The following MAP3K12 variants were observed in gnomAD, a reference collection of about 807,000 sequenced individuals.
MAP3K12 encodes the protein MAPK-upstream kinase.
In MAP3K12, 14 loss-of-function variants were observed where a neutral mutation model predicts 87.5. That is an observed-to-expected ratio of 0.16 (90% CI 0.11 to 0.25). The LOEUF (loss-of-function observed/expected upper bound fraction) is 0.25. Among genes scored for constraint, MAP3K12 ranks in the 10% least tolerant of loss-of-function variants. The pLI, the probability that MAP3K12 is intolerant of heterozygous loss-of-function variation, is 1.00. For synonymous variants in MAP3K12, 469 were observed against 452.5 expected (o/e 1.04, Z -0.46); for missense variants, 802 against 1,140.4 (o/e 0.70, Z 4.27).
chr12:53,485,636 A>G (rs1455962690), intron 4 of MAP3K12, 161 bp from the exon 5 acceptor site: 1 of 719,722 alleles, frequency 1.4e-6, no homozygotes, highest in Non-Finnish European at 2.3e-6. Context: ...GCTCACTGCA[A>G]CCTCCACCTC....
Position 53,485,172 on chromosome 12 carries a change from G to A in MAP3K12, c.1023C>T (p.Ile341=). ...VVLWELLTGE[I]PYKDVDSSAI... ...CTGAGGAATCTACGTCTTTGTAGGG[G>A]ATCTCACCAGTCAGCAGTTCCCATA... Residue 341 remains isoleucine (I), a synonymous_variant, in exon 6 of 14, where the codon ATC becomes ATT. Coordinates refer to ENST00000547488, the MANE Select transcript of MAP3K12 (RefSeq NM_001193511.2). 1 of 1,613,994 alleles carries A rather than the reference G, an allele frequency of 6.2e-7. No homozygotes were observed. The highest frequency in any genetic ancestry group is 8.5e-7 in the Non-Finnish European group (1 of 1,179,938).
At chr12:53,498,502 C>T (rs1943589804) in intron 1 of MAP3K12, among the ~76,000 whole-genome samples, 1 of 152,166 alleles carries the variant, frequency 6.6e-6, no homozygotes, top group Non-Finnish European at 1.5e-5. Flanking sequence ...TAGGACTCCT[C>T]CCTTAATTCT....
rs1417421322 is a variant in MAP3K12 at position 53,480,668 on chromosome 12, T to G, written c.*514A>C. 1 of 152,506 alleles carries G rather than the reference T, an allele frequency of 6.6e-6. No individual in the cohort carries two copies. The highest frequency in any genetic ancestry group is 2.4e-5 in the African/African-American group (1 of 41,364). 9.4% of individuals were successfully genotyped at this position (152,506 alleles called of 1,614,324 possible). ...CTCCCCCTGGGCCTTAAGACAGGGC[T>G]TGGGCAGAGAAGATAAATGGTGGGA... On this transcript the variant is annotated 3_prime_UTR_variant, in exon 14 of 14. Coordinates refer to ENST00000547488, the MANE Select transcript of MAP3K12 (RefSeq NM_001193511.2).
In MAP3K12 at chr12:53,483,668, G is replaced by A; in HGVS notation, c.1414C>T (p.Leu472=). The part of the protein sequence containing the change: ...YERKLERANN[L]YMELNALMLQ... ...ATGAGGGCATTAAGTTCCATATACA[G>A]GTTGTTGGCTCTCTCCAGCTTCCTT... Residue 472 remains leucine, a synonymous_variant, in exon 9 of 14, where the codon CTG becomes TTG. Transcript: ENST00000547488. The A allele has an allele frequency of 6.2e-7, 1 of 1,614,012 alleles. No homozygotes were observed. The highest frequency in any genetic ancestry group is 8.5e-7 in the Non-Finnish European group (1 of 1,180,022).
rs765708332 is a variant in MAP3K12 at position 53,482,962 on chromosome 12, C to G, written c.1841G>C (p.Gly614Ala). 1 of 1,594,586 alleles carries G rather than the reference C, an allele frequency of 6.3e-7. No homozygotes were observed. The highest frequency in any genetic ancestry group is 1.1e-5 in the South Asian group (1 of 89,380). Residue 614 changes from glycine (G) to alanine (A), a missense_variant, in exon 11 of 14, where the codon GGA becomes GCA. By Grantham distance (60) the Gly-to-Ala change is moderately conservative. Coordinates refer to ENST00000547488, the MANE Select transcript of MAP3K12 (RefSeq NM_001193511.2). The part of the protein sequence containing the change: ...PGGPGSPGGL[G>A]GGPSAWEACP... ...GGCCTCCCAGGCTGAGGGTCCCCCT[C>G]CTAGGCCCCCTGGGCTTCCTGGTCC...
intron 1 of MAP3K12, among the ~76,000 whole-genome samples, chr12:53,497,801 G>A (rs1943572318): frequency 6.6e-6 from 1 of 152,186 alleles, no homozygotes; most frequent in African/African-American, 2.4e-5. Flanking sequence ...ACTTCTTACA[G>A]GGTTGATTCC....
At chr12:53,496,919 T>C (rs545768483) in intron 1 of MAP3K12, among the ~76,000 whole-genome samples, 62 of 152,182 alleles carry the variant, frequency 4.1e-4, no homozygotes, top group African/African-American at 1.4e-3. Flanking sequence ...TCCTGGCCAG[T>C]TGGGTGACCT....
Position 53,479,671 on chromosome 12 carries a change from GT to G in MAP3K12, c.*1510del. On this transcript the variant is annotated 3_prime_UTR_variant, in exon 14 of 14. Transcript: ENST00000547488. ...ATTTAGTTTTATAAGCTTCTCCCTG[GT>G]TTTTTTTTTTTGGCTCATGAATTTT... 4.0e-5 allele frequency: 8 copies of G among 202,216 alleles called. No individual in the cohort carries two copies. Among genetic ancestry groups the G allele is most frequent in the East Asian group, 8.5e-5 (1 of 11,742 alleles). 12.5% of individuals were successfully genotyped at this position (202,216 alleles called of 1,614,324 possible). A position where few individuals can be genotyped will look rare whatever the true frequency, so the allele number is the denominator to read the frequency against.
chr12:53,484,955 T>A, intron 6 of MAP3K12, 101 bp downstream of exon 6: 9 of 1,443,416 alleles, frequency 6.2e-6, no homozygotes, highest in Non-Finnish European at 8.6e-6. Context: ...TCAGTCTCTT[T>A]GAATTAAATG....
At chr12:53,493,528 T>A (rs1195043741) in intron 1 of MAP3K12, among the ~76,000 whole-genome samples, 1 of 151,820 alleles carries the variant, frequency 6.6e-6, no homozygotes, top group African/African-American at 2.4e-5. Context: ...CTGAGACATA[T>A]ACAGACACCG....
chr12:53,498,334 C>T (rs1032757635), intron 1 of MAP3K12, among the ~76,000 whole-genome samples: 4 of 152,120 alleles, frequency 2.6e-5, no homozygotes, highest in Non-Finnish European at 4.4e-5. Context: ...ATGGAGTCCA[C>T]CTTGAGAACT....
rs1943056498 is a variant in MAP3K12 at position 53,481,756 on chromosome 12, C to T, written c.2580+185G>A. 11 of 664,614 alleles carry T rather than the reference C, an allele frequency of 1.7e-5. No homozygotes were observed. The South Asian group carries it at 2.3e-4, about 14-fold the overall frequency. The allele number at this position is 664,614 out of a possible 1,614,324, so 41.2% of individuals were successfully genotyped here. A position where few individuals can be genotyped will look rare whatever the true frequency, so the allele number is the denominator to read the frequency against. On this transcript the variant is annotated intron_variant, in intron 13 of 13. Transcript: ENST00000547488. ...GCTGCAATTTATAGCTACATGCAAG[C>T]TACTGGTCAGGCATCGTAATAGATG... is the stretch of plus-strand genomic sequence containing the variant.
At chr12:53,490,167 G>C (rs984957738) in intron 1 of MAP3K12, among the ~76,000 whole-genome samples, 1 of 152,112 alleles carries the variant, frequency 6.6e-6, no homozygotes, top group Non-Finnish European at 1.5e-5. Flanking sequence ...AGCCGGCCGT[G>C]GTGGTGGGCA....
intron 1 of MAP3K12, among the ~76,000 whole-genome samples, chr12:53,496,608 T>A (rs558715867): frequency 6.6e-6 from 1 of 152,334 alleles, no homozygotes; most frequent in Non-Finnish European, 1.5e-5. Context: ...TGGGCATTTT[T>A]AAAAATCTGG....
chr12:53,486,005 T>A lies in MAP3K12; in HGVS notation c.821+51A>T. ...GAAGCCGGGAGAAGGCCACACTGAC[T>A]TGAGTGGGTCACCTGCATGCACATC... is the stretch of plus-strand genomic sequence containing the variant. On this transcript the variant is annotated intron_variant, in intron 4 of 13. Coordinates refer to ENST00000547488, the MANE Select transcript of MAP3K12 (RefSeq NM_001193511.2). This position sits in a 1 kb window ranked among gnomAD's most constrained non-coding sequence, Gnocchi z 4.9. The A allele has an allele frequency of 6.5e-7, 1 of 1,540,292 alleles. No individual in the cohort carries two copies. The highest frequency in any genetic ancestry group is 8.8e-7 in the Non-Finnish European group (1 of 1,134,238).
chr12:53,481,500 C>A, intron 13 of MAP3K12: 2 of 302,466 alleles, frequency 6.6e-6, no homozygotes, highest in South Asian at 6.2e-5. Context: ...CAGGCATGCA[C>A]CACCACGCCC....
At position 53,480,194 on chromosome 12, in the gene MAP3K12, G is replaced by C. The variant is rs1425000444; in HGVS notation, c.*988C>G. 1 of 152,044 alleles carries C rather than the reference G, an allele frequency of 6.6e-6. No individual in the cohort carries two copies. The highest frequency in any genetic ancestry group is 6.6e-5 in the Admixed American group (1 of 15,266). 9.4% of individuals were successfully genotyped at this position (152,044 alleles called of 1,614,324 possible). On this transcript the variant is annotated 3_prime_UTR_variant, in exon 14 of 14. Coordinates refer to ENST00000547488, the MANE Select transcript of MAP3K12 (RefSeq NM_001193511.2). ...TGTCTGACTGGGTTCCAGTTTCTTG[G>C]GAATGTTGGTCCCCTTGTTCAGGCT...
chr12:53,485,954 G>GC lies in MAP3K12; in HGVS notation c.821+101dup, dbSNP rs935116453. On this transcript the variant is annotated intron_variant, in intron 4 of 13. Coordinates refer to ENST00000547488, the MANE Select transcript of MAP3K12 (RefSeq NM_001193511.2). ...TCACTTGGAAGAGGTTTCTGAGATG[G>GC]CCACATGGACCTAGGGCATGGTTTG... The GC allele has an allele frequency of 3.6e-6, 4 of 1,098,694 alleles. No homozygotes were observed. In the African/African-American group the frequency reaches 6.3e-5, roughly 17 times the overall value. 68.1% of individuals were successfully genotyped at this position (1,098,694 alleles called of 1,614,324 possible).
In MAP3K12 at chr12:53,487,408, T is replaced by TA; in HGVS notation, c.-18dup. 1 of 1,595,454 alleles carries TA rather than the reference T, an allele frequency of 6.3e-7. No homozygotes were observed. The highest frequency in any genetic ancestry group is 8.5e-7 in the Non-Finnish European group (1 of 1,170,586). On this transcript the variant is annotated 5_prime_UTR_variant, in exon 2 of 14. Transcript: ENST00000547488. ...GCAAGCCATCGCCTCTGGCCCCTGG[T>TA]ATGATGGTGAACACTGGGCCCTGTG... is the stretch of plus-strand genomic sequence containing the variant.
Sources: allele counts gnomAD v4.1 joint callset (sites outside exome capture counted in the v4.1 genomes callset), GRCh38; gene constraint gnomAD v4.1.1; non-coding constraint Gnocchi (gnomAD v3.1); transcripts MANE v1.5; gene names NCBI Gene and HGNC (gene_info 2026-07-23, HGNC 2026-07-21).